The following COL12A1 variants were observed in gnomAD, a reference collection of about 807,000 sequenced individuals.
COL12A1 encodes the protein collagen type XII alpha 1 chain.
In COL12A1, 114 loss-of-function variants were observed where a neutral mutation model predicts 349.7. The observed-to-expected ratio is 0.33, with a 90% confidence interval of 0.28 to 0.38. The LOEUF is 0.38. Among genes scored for constraint, COL12A1 ranks in the 10% least tolerant of loss-of-function variants. The probability of loss-of-function intolerance (pLI) is 1.00; values close to 1 mark genes in which losing one functional copy is unlikely to be tolerated. For missense variants in COL12A1, 3,284 were observed against 3,756.9 expected (o/e 0.87, Z 3.29); for synonymous variants, 1,369 against 1,329.0 (o/e 1.03, Z -0.66).
intron 52 of COL12A1, among the ~76,000 whole-genome samples, chr6:75,108,008 A>C (rs1309978346): frequency 6.6e-6 from 1 of 152,232 alleles, no homozygotes; most frequent in Non-Finnish European, 1.5e-5. Flanking sequence ...CATTTTTAAA[A>C]TAATAACTAT....
In COL12A1 at chr6:75,085,702, ACTC is replaced by A. The variant is rs899901225; in HGVS notation, c.*842_*844del. On this transcript the variant is annotated 3_prime_UTR_variant, in exon 66 of 66. Transcript: ENST00000322507. ...CCCAAGTAACTGTTTATGCCTTCAA[ACTC>A]CTCAATTCAAAGAACAACTTGGAAA... 2.2e-4 allele frequency: 51 copies of A among 232,170 alleles called. No individual in the cohort carries two copies. The highest frequency in any genetic ancestry group is 1.1e-3 in the African/African-American group (50 of 44,216). 14.4% of individuals were successfully genotyped at this position (232,170 alleles called of 1,614,324 possible).
intron 59 of COL12A1, among the ~76,000 whole-genome samples, chr6:75,096,948 C>T (rs1768069555): frequency 6.6e-6 from 1 of 151,444 alleles, no homozygotes; most frequent in African/African-American, 2.4e-5. Context: ...ACCGAACCAC[C>T]GAGGTTATAA....
chr6:75,119,569 G>T, intron 44 of COL12A1, 96 bp from the exon 45 acceptor site: 3 of 1,412,812 alleles, frequency 2.1e-6, no homozygotes, highest in Non-Finnish European at 1.9e-6. Flanking sequence ...AGCGGTGGGG[G>T]TGTAAAAAGT....
chr6:75,114,564 A>G (rs1453245967), intron 49 of COL12A1, among the ~76,000 whole-genome samples: 2 of 152,028 alleles, frequency 1.3e-5, no homozygotes, highest in Non-Finnish European at 2.9e-5. Context: ...AAGGTAAGAA[A>G]AAGAACCAGA....
At chr6:75,141,941 G>A (rs1406472721) in intron 27 of COL12A1, 91 bp downstream of exon 27, 1 of 1,476,348 alleles carries the variant, frequency 6.8e-7, no homozygotes, top group African/African-American at 1.4e-5. Flanking sequence ...GGCAAAGGTA[G>A]CATTAAGAAA....
At chr6:75,102,291 T>C (rs1402077673) in intron 56 of COL12A1, among the ~76,000 whole-genome samples, 4 of 152,246 alleles carry the variant, frequency 2.6e-5, no homozygotes, top group African/African-American at 9.6e-5. Flanking sequence ...GGTAATTTTA[T>C]ATAATTATGG....
At chr6:75,114,111 A>C (rs1433313098) in intron 49 of COL12A1, among the ~76,000 whole-genome samples, 1 of 151,930 alleles carries the variant, frequency 6.6e-6, no homozygotes, top group African/African-American at 2.4e-5. Flanking sequence ...ATAATTTTAG[A>C]ATGATAAACA....
intron 58 of COL12A1, among the ~76,000 whole-genome samples, chr6:75,101,364 A>G: frequency 6.6e-6 from 1 of 152,250 alleles, no homozygotes; most frequent in East Asian, 1.9e-4. Flanking sequence ...TGATATGGTA[A>G]GAAATTTTCT....
At chr6:75,152,302 T>C (rs1767535052) in intron 18 of COL12A1, 31 bp downstream of exon 18, 2 of 1,613,322 alleles carry the variant, frequency 1.2e-6, no homozygotes, top group Non-Finnish European at 1.7e-6. Flanking sequence ...GATAAAAATG[T>C]CTAAATGGCT....
Position 75,189,795 on chromosome 6 carries a change from T to C in COL12A1, c.415A>G (p.Thr139Ala). 1 of 1,612,944 alleles carries C rather than the reference T, an allele frequency of 6.2e-7. No homozygotes were observed. The highest frequency in any genetic ancestry group is 8.5e-7 in the Non-Finnish European group (1 of 1,179,178). Residue 139 changes from threonine (T) to alanine (A), a missense_variant, in exon 6 of 66, where the codon ACT (threonine) becomes GCT (alanine). Around this residue, in one of 2 missense-constraint regions of COL12A1, gnomAD observed 2,601 missense variants for 2,824.8 expected, o/e 0.92. Coordinates refer to ENST00000322507, the MANE Select transcript of COL12A1 (RefSeq NM_004370.6). ...EIQKCSVSAW[T>A]DLVFLVDGSW... ...CCATCCACGAGGAAAACCAAATCAGTCCAGGCACTGACAGAGCATTCTGAA... is the reference window on the plus strand; with the variant it reads ...CCATCCACGAGGAAAACCAAATCAGCCCAGGCACTGACAGAGCATTCTGAA...
chr6:75,176,438 G>A (rs1768959176), intron 12 of COL12A1, among the ~76,000 whole-genome samples: 1 of 151,366 alleles, frequency 6.6e-6, no homozygotes, highest in African/African-American at 2.4e-5. Flanking sequence ...GATGCAGTGG[G>A]AGGGAGGGCA....
rs1311207541 is a variant in COL12A1, at chr6:75,087,372, G to A, written c.9181+205C>T. On this transcript the variant is annotated intron_variant, in intron 65 of 65. Coordinates refer to ENST00000322507, the MANE Select transcript of COL12A1 (RefSeq NM_004370.6). ...GTGATTTGGTAAATGCAGAAACATG[G>A]GGAAAAAAGAAAATAATTCAATCCT... The A allele has an allele frequency of 1.3e-5, 7 of 528,034 alleles. No homozygotes were observed. The South Asian group carries it at 2.0e-4, about 15-fold the overall frequency. The allele number at this position is 528,034 out of a possible 1,614,324, so 32.7% of individuals were successfully genotyped here. A position where few individuals can be genotyped will look rare whatever the true frequency, so the allele number is the denominator to read the frequency against.
In COL12A1 at chr6:75,138,911, C is replaced by T. The variant is rs1227512357; in HGVS notation, c.5008G>A (p.Gly1670Ser). Residue 1670 changes from glycine to serine, a missense_variant, in exon 28 of 66, where the codon GGT becomes AGT. Around this residue, in one of 2 missense-constraint regions of COL12A1, gnomAD observed 2,601 missense variants for 2,824.8 expected, o/e 0.92. Transcript: ENST00000322507. ...CCATGATCCCAAGTCCCTCTGAAACCCTCTGATGTTACTTCAGTAATCTTT... is the reference window on the plus strand; with the variant it reads ...CCATGATCCCAAGTCCCTCTGAAACTCTCTGATGTTACTTCAGTAATCTTT... ...NLKITEVTSE[G>S]FRGTWDHGAS... 6.2e-7 allele frequency: 1 copy of T among 1,613,944 alleles called. No individual in the cohort carries two copies. Among genetic ancestry groups the T allele is most frequent in the Non-Finnish European group, 8.5e-7 (1 of 1,179,954 alleles).
Position 75,086,416 on chromosome 6 carries a change from G to T in COL12A1, c.*131C>A. The T allele has an allele frequency of 2.9e-6, 2 of 687,080 alleles. No individual in the cohort carries two copies. Among genetic ancestry groups the T allele is most frequent in the Non-Finnish European group, 4.7e-6 (2 of 424,764 alleles). The allele number at this position is 687,080 out of a possible 1,614,324, so 42.6% of individuals were successfully genotyped here. ...CACCCTCCTTTGTGATGTCGACCCGGTTCGTTAACCATTATCTGTGGTGAG... is the reference window on the plus strand; with the variant it reads ...CACCCTCCTTTGTGATGTCGACCCGTTTCGTTAACCATTATCTGTGGTGAG... On this transcript the variant is annotated 3_prime_UTR_variant, in exon 66 of 66. Transcript: ENST00000322507.
intron 2 of COL12A1, among the ~76,000 whole-genome samples, chr6:75,202,326 G>A (rs572515508): frequency 6.6e-6 from 1 of 152,352 alleles, no homozygotes; most frequent in African/African-American, 2.4e-5. Context: ...CCAGCCAAGC[G>A]AGCGAGTGCG....
In COL12A1 at chr6:75,134,749, C is replaced by T. The variant is rs182768408; in HGVS notation, c.5501G>A (p.Arg1834Gln). The T allele has an allele frequency of 2.4e-4, 387 of 1,607,544 alleles. 2 individuals carry two copies. Among genetic ancestry groups the T allele is most frequent in the Admixed American group, 9.7e-4 (58 of 59,978 alleles). Reference protein sequence around the residue: ...SSLYPDGEGGRMTGRGKTKPL... With the variant: ...SSLYPDGEGGQMTGRGKTKPL... ...ACTGGTCTTGCCTCTTCCCGTCATC[C>T]GACCTCCTTCACCATCAGGATACAG... Residue 1834 changes from arginine to glutamine, a missense_variant, in exon 32 of 66, where the codon CGG becomes CAG. By Grantham distance (43) the Arg-to-Gln change is conservative. Transcript: ENST00000322507.
chr6:75,130,049 C>G (rs1029104347), intron 37 of COL12A1, 42 bp downstream of exon 37: 2 of 1,606,036 alleles, frequency 1.2e-6, no homozygotes, highest in Non-Finnish European at 1.7e-6. Context: ...GTCCATTCAG[C>G]TAAGATGATA....
At chr6:75,098,356 A>G (rs916877227) in intron 58 of COL12A1, among the ~76,000 whole-genome samples, 8 of 152,204 alleles carry the variant, frequency 5.3e-5, no homozygotes, top group Non-Finnish European at 1.2e-4. Flanking sequence ...TTCCTCTCCC[A>G]AAAGAGGCAA....
intron 10 of COL12A1, among the ~76,000 whole-genome samples, chr6:75,181,501 C>T (rs114887484): frequency 1.3e-5 from 2 of 152,216 alleles, no homozygotes; most frequent in African/African-American, 4.8e-5. Flanking sequence ...TTAAAGCAGT[C>T]GTAATAGAAT....
Sources: gnomAD v4.1 joint callset for allele counts (sites outside exome capture counted in the v4.1 genomes callset) on GRCh38, gnomAD v4.1.1 for gene constraint, gnomAD v4.1.1 regional missense constraint, MANE v1.5 for transcripts, NCBI Gene and HGNC (gene_info 2026-07-23, HGNC 2026-07-21) for gene names.